HYCC2: variants seen among roughly 807,000 people sequenced by gnomAD.
The protein encoded by HYCC2 is hyccin PI4KA lipid kinase complex subunit 2, also known as hyccin 2.
the HYCC2 span, among the ~76,000 whole-genome samples, chr2:201,059,289 CT>C: frequency 3.3e-5 from 5 of 152,174 alleles, no homozygotes; most frequent in African/African-American, 1.2e-4. Context: ...CTGGAAAACC[CT>C]GATGAATATA....
chr2:201,043,432 T>TAAAAA, the HYCC2 span, among the ~76,000 whole-genome samples: 1 of 74,908 alleles, frequency 1.3e-5, no homozygotes, highest in Non-Finnish European at 2.9e-5. Context: ...CAATAAATAC[T>TAAAAA]AAAAAAAAAA....
At chr2:201,008,837 G>A in the HYCC2 span, 1 of 602,290 alleles carries the variant, frequency 1.7e-6, no homozygotes, top group African/African-American at 1.8e-5. Context: ...GGTCAAGGCT[G>A]CAGTGAGCCA....
the HYCC2 span, chr2:201,023,944 T>A: frequency 6.3e-7 from 1 of 1,598,906 alleles, no homozygotes; most frequent in Admixed American, 1.7e-5. Context: ...CATTCTGATC[T>A]CCAATCCAAT....
At chr2:201,029,428 G>T in the HYCC2 span, among the ~76,000 whole-genome samples, 4 of 151,966 alleles carry the variant, frequency 2.6e-5, no homozygotes, top group Admixed American at 6.6e-5. Context: ...TCTATTACTG[G>T]GTATATACCC....
At chr2:201,059,149 G>A in the HYCC2 span, among the ~76,000 whole-genome samples, 2 of 152,162 alleles carry the variant, frequency 1.3e-5, no homozygotes, top group African/African-American at 4.8e-5. Flanking sequence ...TATACAGTCA[G>A]GTCTCCTGAG....
the HYCC2 span, chr2:200,992,946 A>G: frequency 6.2e-6 from 10 of 1,613,978 alleles, no homozygotes; most frequent in Admixed American, 3.3e-5. Flanking sequence ...ATACTATTCG[A>G]CCACAGAGTT....
At chr2:201,038,342 T>G in the HYCC2 span, among the ~76,000 whole-genome samples, 1 of 152,190 alleles carries the variant, frequency 6.6e-6, no homozygotes, top group Non-Finnish European at 1.5e-5. Flanking sequence ...TGGCGATTCC[T>G]CAGGGATCTA....
chr2:201,064,815 T>A, the HYCC2 span, among the ~76,000 whole-genome samples: 1 of 152,216 alleles, frequency 6.6e-6, no homozygotes, highest in African/African-American at 2.4e-5. Context: ...TTAAAAACTT[T>A]TAATTTTGAA....
chr2:200,994,371 T>A, the HYCC2 span, among the ~76,000 whole-genome samples: 1 of 151,926 alleles, frequency 6.6e-6, no homozygotes, highest in Admixed American at 6.6e-5. Context: ...CCGAGTAGCC[T>A]CCCAAGTAGT....
the HYCC2 span, among the ~76,000 whole-genome samples, chr2:201,003,585 T>G: frequency 6.6e-6 from 1 of 151,676 alleles, no homozygotes; most frequent in Non-Finnish European, 1.5e-5. Context: ...GGCGTGCGCC[T>G]GTAATCCCAG....
chr2:201,063,180 G>T, the HYCC2 span: 1 of 1,609,844 alleles, frequency 6.2e-7, no homozygotes, highest in Non-Finnish European at 8.5e-7. Flanking sequence ...GAGAGCCTGA[G>T]GAGCCATTTT....
the HYCC2 span, among the ~76,000 whole-genome samples, chr2:201,001,080 G>T: frequency 2.0e-5 from 3 of 151,194 alleles, no homozygotes; most frequent in African/African-American, 7.3e-5. Context: ...AGAGGGTGCA[G>T]TGAGCCAAGA....
chr2:201,053,500 C>T, the HYCC2 span, among the ~76,000 whole-genome samples: 1 of 152,206 alleles, frequency 6.6e-6, no homozygotes, highest in Non-Finnish European at 1.5e-5. Flanking sequence ...CTGGAGCTTG[C>T]CCTTCTTTCT....
chr2:201,027,289 C>A, the HYCC2 span, among the ~76,000 whole-genome samples: 1 of 152,146 alleles, frequency 6.6e-6, no homozygotes, highest in South Asian at 2.1e-4. Flanking sequence ...CTGAATAGAC[C>A]AATAACAGGT....
the HYCC2 span, among the ~76,000 whole-genome samples, chr2:201,064,796 C>T: frequency 6.6e-6 from 1 of 152,178 alleles, no homozygotes; most frequent in Non-Finnish European, 1.5e-5. Flanking sequence ...TTAATCCTAA[C>T]AATTCTTCTT....
chr2:201,014,190 G>C, the HYCC2 span, among the ~76,000 whole-genome samples: 1 of 152,062 alleles, frequency 6.6e-6, no homozygotes, highest in Admixed American at 6.6e-5. Flanking sequence ...TCCCATTATT[G>C]AATTTTATTA....
chr2:201,005,849 C>A, the HYCC2 span, among the ~76,000 whole-genome samples: 2 of 151,874 alleles, frequency 1.3e-5, no homozygotes, highest in Admixed American at 6.6e-5. Flanking sequence ...TTTATTTTTT[C>A]TGAGACGGAG....
At chr2:201,022,479 T>G in the HYCC2 span, 1 of 221,592 alleles carries the variant, frequency 4.5e-6, no homozygotes, top group East Asian at 1.3e-4. Context: ...TAAAAATACT[T>G]AAGATAAATA....
the HYCC2 span, among the ~76,000 whole-genome samples, chr2:200,991,758 T>A: frequency 6.7e-6 from 1 of 149,952 alleles, no homozygotes. Flanking sequence ...AAATAAAAAA[T>A]TTAAAAAAAC....
Sources: gnomAD v4.1 joint callset for allele counts (sites outside exome capture counted in the v4.1 genomes callset) on GRCh38, gnomAD v4.1.1 for gene constraint, MANE v1.5 for transcripts, NCBI Gene and HGNC (gene_info 2026-07-23, HGNC 2026-07-21) for gene names.